Variants in IL33 observed in about 807,000 individuals in gnomAD.
IL33 encodes the protein interleukin 33.
Under a neutral mutation model 27.3 loss-of-function variants are expected in IL33, and 37 were observed. The ratio of observed to expected loss-of-function variants is 1.36; its 90% CI spans 1.04 to 1.78. The LOEUF (loss-of-function observed/expected upper bound fraction) is 1.78. Among genes scored for constraint, IL33 ranks in the 40% most tolerant of loss-of-function variants. IL33 has a pLI of 0.00. For missense variants in IL33, 406 were observed against 311.4 expected, an observed-to-expected ratio of 1.30 and a Z score of -2.29; for synonymous variants, 132 against 102.9, an observed-to-expected ratio of 1.28 and a Z score of -1.71.
At chr9:6,236,712 C>CA (rs5896145) in intron 1 of IL33, among the ~76,000 whole-genome samples, 2 of 151,718 alleles carry the variant, frequency 1.3e-5, no homozygotes, top group African/African-American at 4.8e-5. Context: ...TATAAAAATA[C>CA]AAAAAAAATT....
chr9:6,218,901 T>C (rs1434349277), intron 1 of IL33, among the ~76,000 whole-genome samples: 186 of 4,062 alleles, frequency 0.046, 1 homozygote, highest in Non-Finnish European at 0.069. Context: ...ATGTTCTCCA[T>C]ATATATATAT....
chr9:6,216,717 C>T (rs1818161051), intron 1 of IL33, among the ~76,000 whole-genome samples: 1 of 152,142 alleles, frequency 6.6e-6, no homozygotes, highest in African/African-American at 2.4e-5. Context: ...CATTACACTC[C>T]AGCCTGGGTA....
chr9:6,222,261 A>G (rs1436483010), intron 1 of IL33, among the ~76,000 whole-genome samples: 2 of 152,218 alleles, frequency 1.3e-5, no homozygotes, highest in African/African-American at 4.8e-5. Flanking sequence ...AATTTCATCT[A>G]ACAATGTTGT....
In IL33 at chr9:6,256,019, A is replaced by G. The variant is rs745437718; in HGVS notation, c.664A>G (p.Asn222Asp). The change falls in exon 8 of 8, where the codon AAT (asparagine) becomes GAT (aspartate). Residue 222 changes from asparagine to aspartate, a missense_variant. Asn to Asp is a conservative substitution (Grantham distance 23, BLOSUM62 1). Transcript: ENST00000682010. ...LPDQAFFVLH[N>D]MHSNCVSFEC... is the part of the protein sequence containing the mutation. ...AGACCAGGCCTTCTTTGTCCTTCAT[A>G]ATATGCACTCCAACTGTGTTTCATT... 12 of 1,613,770 alleles carry G rather than the reference A, an allele frequency of 7.4e-6. No individual in the cohort carries two copies. The highest frequency in any genetic ancestry group is 1.0e-5 in the Non-Finnish European group (12 of 1,179,726).
chr9:6,219,818 T>C (rs1818335641), intron 1 of IL33, among the ~76,000 whole-genome samples: 1 of 152,204 alleles, frequency 6.6e-6, no homozygotes, highest in Non-Finnish European at 1.5e-5. Flanking sequence ...ATTATCTCCA[T>C]TTATGAAATT....
At chr9:6,229,822 C>T (rs1320464261) in intron 1 of IL33, among the ~76,000 whole-genome samples, 2 of 152,016 alleles carry the variant, frequency 1.3e-5, no homozygotes, top group Non-Finnish European at 2.9e-5. Context: ...AGAGTTGGAT[C>T]TATTATTATA....
intron 1 of IL33, among the ~76,000 whole-genome samples, chr9:6,232,852 C>T (rs891093195): frequency 6.6e-6 from 1 of 152,198 alleles, no homozygotes; most frequent in Non-Finnish European, 1.5e-5. Flanking sequence ...CCCAAAAAAT[C>T]TCATTCTGAC....
intron 1 of IL33, among the ~76,000 whole-genome samples, chr9:6,219,724 G>A (rs1818332307): frequency 6.6e-6 from 1 of 152,104 alleles, no homozygotes; most frequent in Non-Finnish European, 1.5e-5. Flanking sequence ...GTCATCAAAG[G>A]TAATTTATTA....
chr9:6,256,255 T>C lies in IL33; in HGVS notation c.*87T>C. 1.0e-6 allele frequency: 1 copy of C among 952,416 alleles called. No homozygotes were observed. The highest frequency in any genetic ancestry group is 1.5e-5 in the South Asian group (1 of 68,128). The allele number at this position is 952,416 out of a possible 1,614,324, so 59.0% of individuals were successfully genotyped here. ...GAGATAAAGAAAGAGACAGGTGACA[T>C]CTAAGGGAAATGAAGAGTGCTTAGC... On this transcript the variant is annotated 3_prime_UTR_variant, in exon 8 of 8. Coordinates refer to ENST00000682010, the MANE Select transcript of IL33 (RefSeq NM_033439.4).
At chr9:6,253,759 G>A (rs1410626438) in intron 6 of IL33, among the ~76,000 whole-genome samples, 157 bp downstream of exon 6, 1 of 152,200 alleles carries the variant, frequency 6.6e-6, no homozygotes, top group Admixed American at 6.5e-5. Flanking sequence ...CTCAGAGGAT[G>A]CATTCTCATC....
chr9:6,241,421 G>C (rs1365090370), intron 1 of IL33, among the ~76,000 whole-genome samples: 1 of 152,118 alleles, frequency 6.6e-6, no homozygotes, highest in African/African-American at 2.4e-5. Context: ...ACAGCACTAG[G>C]TGATAAGAAT....
chr9:6,256,288 G>T lies in IL33; in HGVS notation c.*120G>T. On this transcript the variant is annotated 3_prime_UTR_variant, in exon 8 of 8. Coordinates refer to ENST00000682010, the MANE Select transcript of IL33 (RefSeq NM_033439.4). ...AAATGAAGAGTGCTTAGCATGTGTG[G>T]AATGTTTTCCATATTATGTATAAAA... is the stretch of plus-strand genomic sequence containing the variant. 1 of 685,666 alleles carries T rather than the reference G, an allele frequency of 1.5e-6. No individual in the cohort carries two copies. 42.5% of individuals were successfully genotyped at this position (685,666 alleles called of 1,614,324 possible). A position where few individuals can be genotyped will look rare whatever the true frequency, so the allele number is the denominator to read the frequency against.
intron 2 of IL33, among the ~76,000 whole-genome samples, chr9:6,249,284 G>T (rs1480400989): frequency 2.0e-5 from 3 of 152,216 alleles, no homozygotes; most frequent in African/African-American, 7.2e-5. Flanking sequence ...TTTTAGGAAG[G>T]CAAATCCACT....
At position 6,250,616 on chromosome 9, in the gene IL33, A is replaced by G. The variant is rs1435425242; in HGVS notation, c.217+17A>G. On this transcript the variant is annotated intron_variant, in intron 3 of 7. Transcript: ENST00000682010. Reference sequence around the variant, plus strand: ...TGAAAACAGGTAAGGGGAACCGTACATTCTCTGGCAATAGTGATAAGTATC... The same window carrying G: ...TGAAAACAGGTAAGGGGAACCGTACGTTCTCTGGCAATAGTGATAAGTATC... 7 of 1,607,468 alleles carry G rather than the reference A, an allele frequency of 4.4e-6. No individual in the cohort carries two copies. Among genetic ancestry groups the G allele is most frequent in the Non-Finnish European group, 5.1e-6 (6 of 1,177,874 alleles).
intron 1 of IL33, among the ~76,000 whole-genome samples, chr9:6,218,805 C>G (rs1818276382): frequency 1.0e-5 from 1 of 98,916 alleles, no homozygotes; most frequent in South Asian, 3.1e-4. Context: ...TATATGTTCT[C>G]CATATATATA....
At chr9:6,249,831 G>A (rs1816227782) in intron 2 of IL33, among the ~76,000 whole-genome samples, 1 of 152,164 alleles carries the variant, frequency 6.6e-6, no homozygotes, top group Non-Finnish European at 1.5e-5. Flanking sequence ...GAATTAAATG[G>A]AGACATATGT....
intron 1 of IL33, among the ~76,000 whole-genome samples, chr9:6,228,131 A>C (rs1475444562): frequency 6.6e-6 from 1 of 152,186 alleles, no homozygotes; most frequent in Non-Finnish European, 1.5e-5. Context: ...GCACATAGTA[A>C]ACACTATATA....
intron 6 of IL33, 66 bp downstream of exon 6, chr9:6,253,668 A>C (rs1407998031): frequency 1.5e-6 from 2 of 1,310,290 alleles, no homozygotes; most frequent in Non-Finnish European, 2.2e-6. Flanking sequence ...ATAAATCCAA[A>C]AAAATCCTTT....
intron 1 of IL33, among the ~76,000 whole-genome samples, chr9:6,236,374 T>A (rs1819210422): frequency 6.6e-6 from 1 of 152,234 alleles, no homozygotes; most frequent in African/African-American, 2.4e-5. Flanking sequence ...GTCATTTACA[T>A]ATTTTCTAAG....
Sources: allele counts gnomAD v4.1 joint callset (sites outside exome capture counted in the v4.1 genomes callset), GRCh38; gene constraint gnomAD v4.1.1; transcripts MANE v1.5; gene names NCBI Gene and HGNC (gene_info 2026-07-23, HGNC 2026-07-21).